MUC5B: variants seen among roughly 807,000 people sequenced by gnomAD.
MUC5B encodes the protein mucin 5B, oligomeric mucus/gel-forming.
MUC5B carries 116 observed loss-of-function variants against 376.9 expected under a neutral mutation model. That is an observed-to-expected ratio of 0.31 (90% CI 0.26 to 0.36). The LOEUF is 0.36. Ranked by LOEUF, MUC5B falls within the 10% of genes least tolerant of loss-of-function variation. The probability of loss-of-function intolerance (pLI) is 1.00; values close to 1 mark genes in which losing one functional copy is unlikely to be tolerated. For missense variants in MUC5B, 7,165 were observed against 7,769.9 expected (o/e 0.92, Z 2.93); for synonymous variants, 3,517 against 3,390.9 (o/e 1.04, Z -1.29).
intron 13 of MUC5B, 101 bp downstream of exon 13, chr11:1,231,106 T>C: frequency 8.0e-7 from 1 of 1,244,130 alleles, no homozygotes; most frequent in Non-Finnish European, 1.1e-6. Flanking sequence ...TAGTTCTCCG[T>C]GGCCTCGGGC....
intron 24 of MUC5B, 128 bp downstream of exon 24, chr11:1,236,690 C>G (rs1227768389): frequency 8.8e-7 from 1 of 1,138,988 alleles, no homozygotes; most frequent in African/African-American, 1.5e-5. Flanking sequence ...GAGGGCCCTG[C>G]CTGTGGCCTC....
At position 1,244,740 on chromosome 11, in the gene MUC5B, C is replaced by A; in HGVS notation, c.7860C>A (p.Pro2620=). Residue 2620 remains proline, a synonymous_variant, in exon 31 of 49, where the codon CCC becomes CCA. Coordinates refer to ENST00000529681, the MANE Select transcript of MUC5B (RefSeq NM_002458.3). ...CAACCACGGGCTTCACAGCCACCCCCTCCTCCAGCCCAGGGACGGCACGCA... is the reference window on the plus strand; with the variant it reads ...CAACCACGGGCTTCACAGCCACCCCATCCTCCAGCCCAGGGACGGCACGCA... ...TTTTTGFTAT[P]SSSPGTARTL... 6.2e-7 allele frequency: 1 copy of A among 1,609,468 alleles called. No homozygotes were observed. Among genetic ancestry groups the A allele is most frequent in the Non-Finnish European group, 8.5e-7 (1 of 1,177,362 alleles).
rs768577944 is a variant in MUC5B at position 1,246,044 on chromosome 11, C to G, written c.9164C>G (p.Thr3055Arg). Reference sequence around the variant, plus strand: ...ACTGCAACCACCCTTCCAGTGCTGACAAGCACAGCCACCAAATCCACAGCT... The same window carrying G: ...ACTGCAACCACCCTTCCAGTGCTGAGAAGCACAGCCACCAAATCCACAGCT... ...PRTATTLPVL[T>R]STATKSTATS... Residue 3055 changes from threonine (T) to arginine (R), a missense_variant, in exon 31 of 49, where the codon ACA (threonine) becomes AGA (arginine). Transcript: ENST00000529681. 2.8e-5 allele frequency: 45 copies of G among 1,612,808 alleles called. No homozygotes were observed. Among genetic ancestry groups the G allele is most frequent in the Non-Finnish European group, 3.5e-5 (41 of 1,179,462 alleles).
chr11:1,252,266 C>A, intron 31 of MUC5B, 77 bp from the exon 32 acceptor site: 1 of 1,423,394 alleles, frequency 7.0e-7, no homozygotes, highest in Non-Finnish European at 9.5e-7. Flanking sequence ...GCGCTGACCT[C>A]TGCCTTTGCT....
At position 1,246,039 on chromosome 11, in the gene MUC5B, G is replaced by T. The variant is rs749391429; in HGVS notation, c.9159G>T (p.Val3053=). ...CAAGGACTGCAACCACCCTTCCAGT[G>T]CTGACAAGCACAGCCACCAAATCCA... The part of the protein sequence containing the change: ...SSPRTATTLP[V]LTSTATKSTA... The change falls in exon 31 of 49, where the codon GTG becomes GTT. Residue 3053 remains valine (V), a synonymous_variant. Transcript: ENST00000529681. 11 of 1,611,870 alleles carry T rather than the reference G, an allele frequency of 6.8e-6. No homozygotes were observed. Among genetic ancestry groups the T allele is most frequent in the Non-Finnish European group, 9.3e-6 (11 of 1,179,124 alleles).
rs751650644 is a variant in MUC5B, at chr11:1,244,148, C to T, written c.7268C>T (p.Thr2423Met). 163 of 1,613,304 alleles carry T rather than the reference C, an allele frequency of 1.0e-4. 2 individuals carry two copies. Among genetic ancestry groups the T allele is most frequent in the South Asian group, 4.3e-4 (39 of 91,040 alleles). Residue 2423 changes from threonine to methionine, a missense_variant, in exon 31 of 49, where the codon ACG (threonine) becomes ATG (methionine). Transcript: ENST00000529681. ...CCCAGCACCCCGGCCACCAGCTCTA[C>T]GGCCATGCCCTCCTCCACTCCGGGG... Reference protein sequence around the residue: ...HCPSTPATSSTAMPSSTPGTT... With the variant: ...HCPSTPATSSMAMPSSTPGTT...
Position 1,261,540 on chromosome 11 carries a change from T to C in MUC5B, c.17221T>C (p.Cys5741Arg). ...HVDECGCTPFCVPAPMAPPHT... is the reference protein window; with the variant it reads ...HVDECGCTPFRVPAPMAPPHT... ...GGATGAGTGTGGCTGCACGCCCTTCTGTGTCCCTGCGCCCATGGCTCCCCC... is the reference window on the plus strand; with the variant it reads ...GGATGAGTGTGGCTGCACGCCCTTCCGTGTCCCTGCGCCCATGGCTCCCCC... Residue 5741 changes from cysteine to arginine, a missense_variant, in exon 49 of 49, where the codon TGT (cysteine) becomes CGT (arginine). Cys to Arg is a radical substitution (Grantham distance 180, BLOSUM62 -3). Transcript: ENST00000529681. 1 of 1,608,596 alleles carries C rather than the reference T, an allele frequency of 6.2e-7. No individual in the cohort carries two copies. Among genetic ancestry groups the C allele is most frequent in the Non-Finnish European group, 8.5e-7 (1 of 1,178,418 alleles).
intron 28 of MUC5B, 42 bp from the exon 29 acceptor site, chr11:1,240,003 G>C (rs1324075203): frequency 6.2e-7 from 1 of 1,600,638 alleles, no homozygotes; most frequent in East Asian, 2.2e-5. Context: ...GGCCCTGCAG[G>C]CTGCCCCCCA....
chr11:1,229,908 G>T, intron 10 of MUC5B, 97 bp from the exon 11 acceptor site: 2 of 1,545,800 alleles, frequency 1.3e-6, no homozygotes, highest in Non-Finnish European at 1.7e-6. Flanking sequence ...TGGAGCTCCT[G>T]GTGTGCACCC....
chr11:1,255,330 C>T, intron 36 of MUC5B, 53 bp from the exon 37 acceptor site: 7 of 1,375,498 alleles, frequency 5.1e-6, no homozygotes, highest in Non-Finnish European at 6.9e-6. Context: ...TGCACGCACG[C>T]ACGCAGCTCC....
Position 1,247,785 on chromosome 11 carries a change from A to G in MUC5B, c.10905A>G (p.Glu3635=), listed in dbSNP as rs1012292587. 1.9e-6 allele frequency: 3 copies of G among 1,607,876 alleles called. No individual in the cohort carries two copies. The Admixed American group carries it at 5.0e-5, about 27-fold the overall frequency. Residue 3635 remains glutamate (E), a synonymous_variant, in exon 31 of 49, where the codon GAA becomes GAG. Transcript: ENST00000529681. ...VPLRELGQVV[E]CSLDFGLVCR... ...TGCGGGAGTTGGGCCAGGTCGTGGA[A>G]TGCAGCCTGGACTTTGGCCTGGTCT... is the stretch of plus-strand genomic sequence containing the variant.
chr11:1,253,067 G>A lies in MUC5B; in HGVS notation c.15217+87G>A. The A allele has an allele frequency of 6.8e-7, 1 of 1,476,976 alleles. No individual in the cohort carries two copies. The highest frequency in any genetic ancestry group is 9.3e-7 in the Non-Finnish European group (1 of 1,080,466). 91.5% of individuals were successfully genotyped at this position (1,476,976 alleles called of 1,614,324 possible). ...CTAGGCTGGCAGAATGGGGCATGGTGGGGCACAGTGGGGTGCAGTGGGGAA... is the reference window on the plus strand; with the variant it reads ...CTAGGCTGGCAGAATGGGGCATGGTAGGGCACAGTGGGGTGCAGTGGGGAA... On this transcript the variant is annotated intron_variant, in intron 33 of 48. Coordinates refer to ENST00000529681, the MANE Select transcript of MUC5B (RefSeq NM_002458.3). The surrounding 1 kb of genome is among the most constrained non-coding windows in gnomAD (Gnocchi z 4.3).
chr11:1,250,199 C>G lies in MUC5B; in HGVS notation c.13319C>G (p.Pro4440Arg), dbSNP rs2943516. The G allele has an allele frequency of 1.6e-5, 26 of 1,606,854 alleles. No homozygotes were observed. In the Admixed American group the frequency reaches 4.2e-4, roughly 26 times the overall value. ...TTASTGSTAT[P>R]SSTPGTTWIL... ...GCGTCCACTGGATCCACGGCCACCC[C>G]GTCCTCCACCCCAGGGACCACCTGG... The change falls in exon 31 of 49, where the codon CCG becomes CGG. Residue 4440 changes from proline to arginine, a missense_variant. Around this residue, in one of 31 missense-constraint regions of MUC5B, gnomAD observed 431 missense variants for 390.4 expected, o/e 1.10. Transcript: ENST00000529681.
chr11:1,236,242 C>T (rs1030819673), intron 23 of MUC5B, 144 bp from the exon 24 acceptor site: 9 of 715,152 alleles, frequency 1.3e-5, no homozygotes, highest in East Asian at 5.8e-5. Flanking sequence ...GAGGGTCTCA[C>T]GGACCCAGCT....
rs760932151 is a variant in MUC5B at position 1,255,021 on chromosome 11, G to A, written c.15665-20G>A. 2.0e-5 allele frequency: 31 copies of A among 1,568,828 alleles called. No homozygotes were observed. In the South Asian group the frequency reaches 2.1e-4, roughly 11 times the overall value. Reference sequence around the variant, plus strand: ...AAGGCTCCCCAGATTCCAGCCCCGCGGTGACGCCCCCACTCCCAGGCACCT... The same window carrying A: ...AAGGCTCCCCAGATTCCAGCCCCGCAGTGACGCCCCCACTCCCAGGCACCT... On this transcript the variant is annotated intron_variant, in intron 35 of 48. Coordinates refer to ENST00000529681, the MANE Select transcript of MUC5B (RefSeq NM_002458.3).
At position 1,246,164 on chromosome 11, in the gene MUC5B, A is replaced by C. The variant is rs1590182359; in HGVS notation, c.9284A>C (p.His3095Pro). Residue 3095 changes from histidine (H) to proline (P), a missense_variant, in exon 31 of 49, where the codon CAC (histidine) becomes CCC (proline). Physicochemically the swap from His to Pro is moderately conservative, Grantham distance 77 (BLOSUM62 -2). Coordinates refer to ENST00000529681, the MANE Select transcript of MUC5B (RefSeq NM_002458.3). Reference sequence around the variant, plus strand: ...CCCATGGCCACCATGTCCACAATCCACCCCTCCTCCACTCCGGAGACCACC... The same window carrying C: ...CCCATGGCCACCATGTCCACAATCCCCCCCTCCTCCACTCCGGAGACCACC... ...TTPMATMSTI[H>P]PSSTPETTHT... 2.5e-6 allele frequency: 4 copies of C among 1,582,198 alleles called. No homozygotes were observed. The highest frequency in any genetic ancestry group is 1.5e-5 in the African/African-American group (1 of 64,538).
At chr11:1,237,864 T>C (rs11824095) in intron 25 of MUC5B, among the ~76,000 whole-genome samples, 7,477 of 152,262 alleles carry the variant, frequency 0.049, 232 homozygotes, top group Middle Eastern at 0.11. Context: ...AGTGAGACTC[T>C]GTCTCAAAAC....
Position 1,253,140 on chromosome 11 carries a change from G to A in MUC5B, c.15217+160G>A. On this transcript the variant is annotated intron_variant, in intron 33 of 48. Coordinates refer to ENST00000529681, the MANE Select transcript of MUC5B (RefSeq NM_002458.3). This position sits in a 1 kb window ranked among gnomAD's most constrained non-coding sequence, Gnocchi z 4.3. The stretch of plus-strand genomic sequence containing the variant: ...GTGGGGTGCAGTGGGGCATGGTGGG[G>A]CATGGTGGGGTGTGGTGGTGGTGTT... The A allele has an allele frequency of 2.5e-6, 2 of 795,882 alleles. No homozygotes were observed. The highest frequency in any genetic ancestry group is 4.1e-6 in the Non-Finnish European group (2 of 493,322). 49.3% of individuals were successfully genotyped at this position (795,882 alleles called of 1,614,324 possible). A position where few individuals can be genotyped will look rare whatever the true frequency, so the allele number is the denominator to read the frequency against.
chr11:1,241,989 G>A lies in MUC5B; in HGVS notation c.5109G>A (p.Thr1703=), dbSNP rs371129059. Residue 1703 remains threonine, a synonymous_variant, in exon 31 of 49, where the codon ACG becomes ACA. Transcript: ENST00000529681. ...LPTRSALPGT[T]GSLGTWRPSQ... The stretch of plus-strand genomic sequence containing the variant: ...CACGCTCAGCCCTTCCAGGGACGAC[G>A]GGGAGCTTGGGCACATGGCGCCCCT... 210 of 1,591,260 alleles carry A rather than the reference G, an allele frequency of 1.3e-4. No individual in the cohort carries two copies. Among genetic ancestry groups the A allele is most frequent in the Admixed American group, 3.6e-4 (20 of 55,846 alleles).
Sources: gnomAD v4.1 joint callset for allele counts (sites outside exome capture counted in the v4.1 genomes callset) on GRCh38, gnomAD v4.1.1 for gene constraint, gnomAD v4.1.1 regional missense constraint, Gnocchi (gnomAD v3.1) non-coding constraint, MANE v1.5 for transcripts, NCBI Gene and HGNC (gene_info 2026-07-23, HGNC 2026-07-21) for gene names.